LRRC4C: variants seen among roughly 807,000 people sequenced by gnomAD.
LRRC4C encodes the protein leucine-rich repeat-containing protein 4C.
In LRRC4C, 5 loss-of-function variants were observed where a neutral mutation model predicts 33.6. That is an observed-to-expected ratio of 0.15 (90% CI 0.08 to 0.31). LRRC4C has a LOEUF of 0.31. LRRC4C is among the 10% of genes least tolerant of loss of function. The pLI, the probability that LRRC4C is intolerant of heterozygous loss-of-function variation, is 1.00. For synonymous variants in LRRC4C, 329 were observed against 302.0 expected (o/e 1.09, Z -0.93); for missense variants, 560 against 796.7 (o/e 0.70, Z 3.58).
At chr11:40,122,070 G>T (rs1855866561) in intron 6 of LRRC4C, among the ~76,000 whole-genome samples, 1 of 152,032 alleles carries the variant, frequency 6.6e-6, no homozygotes, top group South Asian at 2.1e-4. Flanking sequence ...TTCCCCCAAA[G>T]TTCTATCCAG....
chr11:41,317,929 T>C (rs1950843533), intron 1 of LRRC4C, among the ~76,000 whole-genome samples: 1 of 152,086 alleles, frequency 6.6e-6, no homozygotes, highest in South Asian at 2.1e-4. Context: ...TATGAGGATA[T>C]ATGGCATAAA....
At chr11:40,131,614 A>G (rs1444260434) in intron 6 of LRRC4C, among the ~76,000 whole-genome samples, 9 of 152,156 alleles carry the variant, frequency 5.9e-5, no homozygotes, top group Non-Finnish European at 1.3e-4. Context: ...AAATTTTTGT[A>G]GTACCCTTCC....
chr11:40,908,623 T>C (rs912900302), intron 2 of LRRC4C, among the ~76,000 whole-genome samples: 3 of 152,176 alleles, frequency 2.0e-5, no homozygotes, highest in Non-Finnish European at 4.4e-5. Flanking sequence ...TAGATGATCT[T>C]CTAAAAAATT....
At chr11:41,336,071 C>T (rs1951442545) in intron 1 of LRRC4C, among the ~76,000 whole-genome samples, 1 of 152,112 alleles carries the variant, frequency 6.6e-6, no homozygotes, top group South Asian at 2.1e-4. Context: ...CAGGCTTTGC[C>T]ACTGAGCCCT....
chr11:40,115,320 C>G lies in LRRC4C; in HGVS notation c.973G>C (p.Ala325Pro). 1 of 1,614,170 alleles carries G rather than the reference C, an allele frequency of 6.2e-7. No individual in the cohort carries two copies. Among genetic ancestry groups the G allele is most frequent in the Non-Finnish European group, 8.5e-7 (1 of 1,180,032 alleles). Residue 325 changes from alanine (A) to proline (P), a missense_variant, in exon 7 of 7, where the codon GCT (alanine) becomes CCT (proline). Physicochemically the swap from Ala to Pro is conservative, Grantham distance 27 (BLOSUM62 -1). This residue lies in a region of LRRC4C where 455 missense variants were observed against 643.8 expected (regional missense o/e 0.71). Coordinates refer to ENST00000528697, the MANE Select transcript of LRRC4C (RefSeq NM_001258419.2). This position sits in a 1 kb window ranked among gnomAD's most constrained non-coding sequence, Gnocchi z 6.7. ...WIKDMAPSNT[A>P]CCARCNTPPN... ...GGAGTGTTACACCGGGCACAACAAGCTGTGTTCGAGGGGGCCATGTCTTTT... is the reference window on the plus strand; with the variant it reads ...GGAGTGTTACACCGGGCACAACAAGGTGTGTTCGAGGGGGCCATGTCTTTT...
chr11:41,109,085 T>C (rs147722741), intron 1 of LRRC4C, among the ~76,000 whole-genome samples: 27 of 152,230 alleles, frequency 1.8e-4, no homozygotes, highest in Non-Finnish European at 3.2e-4. Flanking sequence ...ACTTAATGTT[T>C]TTAACTGATC....
chr11:40,854,567 T>C (rs191838925), intron 2 of LRRC4C, among the ~76,000 whole-genome samples: 314 of 152,262 alleles, frequency 2.1e-3, no homozygotes, highest in Non-Finnish European at 3.4e-3. Context: ...TTTTCATTTT[T>C]AGTTGTTAGC....
intron 1 of LRRC4C, among the ~76,000 whole-genome samples, chr11:41,302,519 T>C (rs548617774): frequency 6.6e-6 from 1 of 152,332 alleles, no homozygotes; most frequent in South Asian, 2.1e-4. Flanking sequence ...AATACAAACT[T>C]TGTTTTCGAG....
intron 1 of LRRC4C, among the ~76,000 whole-genome samples, chr11:41,370,088 A>G (rs1952687540): frequency 6.6e-6 from 1 of 152,244 alleles, no homozygotes; most frequent in Non-Finnish European, 1.5e-5. Flanking sequence ...GCATTAACAT[A>G]GACGTGGCAC....
At chr11:41,240,668 T>C (rs1948214332) in intron 1 of LRRC4C, among the ~76,000 whole-genome samples, 1 of 152,146 alleles carries the variant, frequency 6.6e-6, no homozygotes, top group Non-Finnish European at 1.5e-5. Flanking sequence ...GTAGGGGTCA[T>C]GAAGGACCTA....
intron 3 of LRRC4C, among the ~76,000 whole-genome samples, chr11:40,491,288 C>T (rs1436936060): frequency 1.3e-5 from 2 of 152,080 alleles, no homozygotes; most frequent in Non-Finnish European, 2.9e-5. Context: ...CTGTCTCACA[C>T]ACACAAAATA....
At chr11:40,745,440 A>T (rs954574833) in intron 2 of LRRC4C, among the ~76,000 whole-genome samples, 3 of 152,190 alleles carry the variant, frequency 2.0e-5, no homozygotes, top group Non-Finnish European at 2.9e-5. Flanking sequence ...CGTTTGATAG[A>T]CATTTTGACT....
At chr11:41,256,990 T>C (rs756281504) in intron 1 of LRRC4C, among the ~76,000 whole-genome samples, 1 of 151,930 alleles carries the variant, frequency 6.6e-6, no homozygotes, top group Non-Finnish European at 1.5e-5. Flanking sequence ...TTAAGAAGCT[T>C]GATAGAAAAT....
At chr11:40,670,244 G>C (rs573564359) in intron 2 of LRRC4C, among the ~76,000 whole-genome samples, 20 of 152,116 alleles carry the variant, frequency 1.3e-4, no homozygotes, top group African/African-American at 2.4e-5. Flanking sequence ...CATACACTGC[G>C]GTGTCCCTGT....
At chr11:40,254,382 GA>G (rs1450143616) in intron 4 of LRRC4C, among the ~76,000 whole-genome samples, 2 of 152,186 alleles carry the variant, frequency 1.3e-5, no homozygotes, top group Non-Finnish European at 2.9e-5. Flanking sequence ...TGGAGGGGCA[GA>G]ATGATAAAGC....
At chr11:40,445,960 G>C (rs1213510616) in intron 3 of LRRC4C, 1 of 152,134 alleles carries the variant, frequency 6.6e-6, no homozygotes, top group Non-Finnish European at 1.5e-5. Context: ...TCTGAGATTT[G>C]ACTTGAGTTG....
chr11:40,628,531 G>T lies in LRRC4C; in HGVS notation c.-270+19611C>A, dbSNP rs146232171. Among the ~76,000 whole-genome samples, 222 of 152,228 alleles carry T rather than the reference G, an allele frequency of 1.5e-3. 1 individual carries two copies. Among genetic ancestry groups the T allele is most frequent in the African/African-American group, 5.2e-3 (216 of 41,540 alleles). On this transcript the variant is annotated intron_variant, in intron 3 of 6. Transcript: ENST00000528697. ...AAAACCTAATTCATCATCTTTTAGA[G>T]TATGAGACTCAGGGGAAAATAGCTT...
chr11:40,659,080 G>T (rs1174270489), intron 2 of LRRC4C, among the ~76,000 whole-genome samples: 3 of 152,220 alleles, frequency 2.0e-5, no homozygotes, highest in African/African-American at 4.8e-5. Context: ...GGGGGCCCAG[G>T]AAGCCCCTAC....
In LRRC4C at chr11:41,136,245, G is replaced by C. The variant is rs573552086; in HGVS notation, c.-495-202522C>G. Reference sequence around the variant, plus strand: ...TTTCTGGCTTCTGTGGCAAACACTGGAAATAAAATCTTACGCGTGTAGGGG... The same window carrying C: ...TTTCTGGCTTCTGTGGCAAACACTGCAAATAAAATCTTACGCGTGTAGGGG... On this transcript the variant is annotated intron_variant, in intron 1 of 6. Transcript: ENST00000528697. Among the ~76,000 whole-genome samples the C allele has an allele frequency of 1.5e-3, 221 of 152,234 alleles. 1 individual carries two copies. Among genetic ancestry groups the C allele is most frequent in the African/African-American group, 5.1e-3 (212 of 41,542 alleles).
Sources: gnomAD v4.1 joint callset for allele counts (sites outside exome capture counted in the v4.1 genomes callset) on GRCh38, gnomAD v4.1.1 for gene constraint, gnomAD v4.1.1 regional missense constraint, Gnocchi (gnomAD v3.1) non-coding constraint, MANE v1.5 for transcripts, NCBI Gene and HGNC (gene_info 2026-07-23, HGNC 2026-07-21) for gene names.